PTPRD: variants seen among roughly 807,000 people sequenced by gnomAD.
PTPRD encodes the protein protein tyrosine phosphatase receptor type D.
A neutral mutation model predicts 214.5 loss-of-function variants in PTPRD; 34 were observed. The ratio of observed to expected loss-of-function variants is 0.16; its 90% CI spans 0.12 to 0.21. The LOEUF is 0.21. PTPRD is among the 10% of genes least tolerant of loss of function. The pLI is 1.00. For missense variants in PTPRD, 2,545 were observed against 2,398.7 expected, an observed-to-expected ratio of 1.06 and a Z score of -1.27; for synonymous variants, 1,128 against 845.7, an observed-to-expected ratio of 1.33 and a Z score of -5.79.
intron 7 of PTPRD, among the ~76,000 whole-genome samples, chr9:9,710,873 T>C (rs1345367906): frequency 6.6e-6 from 1 of 152,162 alleles, no homozygotes; most frequent in Admixed American, 6.6e-5. Context: ...GAAGACATGA[T>C]TTCCAGCCAG....
chr9:8,343,925 G>C (rs1459598653), intron 39 of PTPRD, among the ~76,000 whole-genome samples: 1 of 151,976 alleles, frequency 6.6e-6, no homozygotes, highest in Non-Finnish European at 1.5e-5. Context: ...ATTTGACAAG[G>C]GTTTGGAATT....
chr9:10,178,775 G>T (rs1016159938), intron 3 of PTPRD, among the ~76,000 whole-genome samples: 3 of 151,864 alleles, frequency 2.0e-5, no homozygotes, highest in African/African-American at 7.2e-5. Flanking sequence ...CAACATCCTG[G>T]TCTTACTCAC....
intron 2 of PTPRD, among the ~76,000 whole-genome samples, chr9:10,502,673 C>A (rs2044175607): frequency 6.6e-6 from 1 of 152,088 alleles, no homozygotes; most frequent in Non-Finnish European, 1.5e-5. Context: ...CACACACATA[C>A]ATACACAGAT....
chr9:9,883,143 T>C (rs527291437), intron 5 of PTPRD, among the ~76,000 whole-genome samples: 1 of 152,102 alleles, frequency 6.6e-6, no homozygotes, highest in East Asian at 1.9e-4. Context: ...CAACGCAAAA[T>C]GAACAAACCC....
chr9:8,469,889 G>A (rs1025258515), intron 31 of PTPRD, among the ~76,000 whole-genome samples: 1 of 152,096 alleles, frequency 6.6e-6, no homozygotes, highest in African/African-American at 2.4e-5. Context: ...GTCTGCCAAA[G>A]AAAGCTAACA....
At chr9:8,422,734 G>C (rs1013873317) in intron 35 of PTPRD, among the ~76,000 whole-genome samples, 13 of 152,110 alleles carry the variant, frequency 8.5e-5, no homozygotes, top group African/African-American at 3.1e-4. Flanking sequence ...AATAGAAAAA[G>C]AACAAAAATG....
chr9:9,917,691 A>T (rs959046126), intron 5 of PTPRD, among the ~76,000 whole-genome samples: 3 of 151,998 alleles, frequency 2.0e-5, no homozygotes, highest in African/African-American at 4.8e-5. Flanking sequence ...CAAAAGTCTT[A>T]AACAAAATAC....
intron 12 of PTPRD, among the ~76,000 whole-genome samples, chr9:8,691,864 T>C (rs1327068091): frequency 2.0e-5 from 3 of 152,200 alleles, no homozygotes; most frequent in African/African-American, 7.2e-5. Context: ...ACACCAAGTA[T>C]ATACTGGCTT....
At chr9:9,404,372 G>T (rs959455266) in intron 8 of PTPRD, among the ~76,000 whole-genome samples, 2 of 152,102 alleles carry the variant, frequency 1.3e-5, no homozygotes, top group Admixed American at 6.6e-5. Flanking sequence ...AGCTGGAGAT[G>T]GAGAAAACTG....
intron 14 of PTPRD, among the ~76,000 whole-genome samples, chr9:8,610,721 A>T (rs2095417614): frequency 6.6e-6 from 1 of 152,228 alleles, no homozygotes; most frequent in Non-Finnish European, 1.5e-5. Context: ...TTGAAGTTAC[A>T]GGGACATTAT....
intron 12 of PTPRD, among the ~76,000 whole-genome samples, chr9:8,673,037 T>G (rs2097319982): frequency 6.6e-6 from 1 of 152,118 alleles, no homozygotes; most frequent in Non-Finnish European, 1.5e-5. Context: ...CCTGCAAAAC[T>G]TAGGTATTTC....
chr9:8,996,253 G>A (rs2099396187), intron 11 of PTPRD, among the ~76,000 whole-genome samples: 1 of 151,970 alleles, frequency 6.6e-6, no homozygotes. Flanking sequence ...GTGAATTGTG[G>A]TACATCCATA....
intron 11 of PTPRD, among the ~76,000 whole-genome samples, chr9:8,807,383 A>C (rs1311022242): frequency 2.6e-5 from 4 of 152,118 alleles, no homozygotes; most frequent in Non-Finnish European, 5.9e-5. Context: ...AAAAGATGAA[A>C]ATAGAAGCTG....
At chr9:8,910,292 C>T (rs1335942773) in intron 11 of PTPRD, among the ~76,000 whole-genome samples, 3 of 152,232 alleles carry the variant, frequency 2.0e-5, no homozygotes, top group Middle Eastern at 3.4e-3. Flanking sequence ...CCACCTCAGC[C>T]TCCCAAAGTG....
intron 11 of PTPRD, among the ~76,000 whole-genome samples, chr9:8,936,743 T>C (rs2099000717): frequency 6.6e-6 from 1 of 152,180 alleles, no homozygotes; most frequent in African/African-American, 2.4e-5. Flanking sequence ...CACTGAGTGA[T>C]TCTGTTTTCT....
rs149608446 is a variant in PTPRD at position 10,120,615 on chromosome 9, G to T, written c.-544-86825C>A. ...ACTTAGAGAAATATTAAATATGTTAGGTTTTCAAAAAGTTTCTATAGTTCT... is the reference window on the plus strand; with the variant it reads ...ACTTAGAGAAATATTAAATATGTTATGTTTTCAAAAAGTTTCTATAGTTCT... On this transcript the variant is annotated intron_variant, in intron 3 of 45. Coordinates refer to ENST00000381196, the MANE Select transcript of PTPRD (RefSeq NM_002839.4). 2.8e-3 allele frequency among the ~76,000 whole-genome samples: 424 copies of T among 151,792 alleles called. 1 individual carries two copies. Among genetic ancestry groups the T allele is most frequent in the African/African-American group, 0.01 (416 of 41,404 alleles).
chr9:8,630,228 A>G lies in PTPRD; in HGVS notation c.352+3089T>C, dbSNP rs140325346. On this transcript the variant is annotated intron_variant, in intron 14 of 45. Transcript: ENST00000381196. Reference sequence around the variant, plus strand: ...TGAGGCCACTGGACGAAAAGTGTAAAATGGTCTCCATCTACTGCAGAACAG... The same window carrying G: ...TGAGGCCACTGGACGAAAAGTGTAAGATGGTCTCCATCTACTGCAGAACAG... Among the ~76,000 whole-genome samples, 17 of 151,872 alleles carry G rather than the reference A, an allele frequency of 1.1e-4. No homozygotes were observed. In the East Asian group the frequency reaches 3.3e-3, roughly 30 times the overall value.
intron 3 of PTPRD, among the ~76,000 whole-genome samples, chr9:10,124,425 A>T (rs776758406): frequency 2.6e-5 from 4 of 152,190 alleles, no homozygotes; most frequent in Non-Finnish European, 5.9e-5. Context: ...ACAACACACC[A>T]TGCGTATTCA....
chr9:9,586,133 TG>T (rs2091906511), intron 7 of PTPRD, among the ~76,000 whole-genome samples: 1 of 151,938 alleles, frequency 6.6e-6, no homozygotes, highest in Non-Finnish European at 1.5e-5. Flanking sequence ...GTCAGAGTTT[TG>T]TCACATATGT....
Sources: gnomAD v4.1 joint callset for allele counts (sites outside exome capture counted in the v4.1 genomes callset) on GRCh38, gnomAD v4.1.1 for gene constraint, MANE v1.5 for transcripts, NCBI Gene and HGNC (gene_info 2026-07-23, HGNC 2026-07-21) for gene names.